Variants in ERLEC1 observed in about 807,000 individuals in gnomAD.
ERLEC1 encodes the protein ER lectin.
ERLEC1 carries 47 observed loss-of-function variants against 68.0 expected under a neutral mutation model. That is an observed-to-expected ratio of 0.69 (90% CI 0.55 to 0.88). ERLEC1 has a LOEUF of 0.88. ERLEC1 is among the 40% of genes least tolerant of loss of function. The pLI, the probability that ERLEC1 is intolerant of heterozygous loss-of-function variation, is 0.00. For synonymous variants in ERLEC1, 225 were observed against 203.2 expected (o/e 1.11, Z -0.91); for missense variants, 567 against 583.8 (o/e 0.97, Z 0.30).
Position 53,801,399 on chromosome 2 carries a change from T to G in ERLEC1, c.528T>G (p.Ile176Met). Residue 176 changes from isoleucine (I) to methionine (M), a missense_variant and splice_region_variant, in exon 7 of 14, where the codon ATT becomes ATG. By Grantham distance (10) the Ile-to-Met change is conservative. Transcript: ENST00000185150. ...GTCTTATACTCTTTTTTTTTAAGAT[T>G]CCCACTAAAAATATCGAAGGTCAGA... is the stretch of plus-strand genomic sequence containing the variant. ...EAEEKEKSNE[I>M]PTKNIEGQMT... is the part of the protein sequence containing the mutation. 1.2e-6 allele frequency: 2 copies of G among 1,612,178 alleles called. No homozygotes were observed. The highest frequency in any genetic ancestry group is 1.7e-6 in the Non-Finnish European group (2 of 1,178,470).
rs1301491955 is a variant in ERLEC1, at chr2:53,794,321, G to A, written c.163-24G>A. On this transcript the variant is annotated intron_variant, in intron 1 of 13. Transcript: ENST00000185150. ...GATACAATTTCACGGAGAACATAATGTATGTTTTTTCTTCTATTTGCAGCC... is the reference window on the plus strand; with the variant it reads ...GATACAATTTCACGGAGAACATAATATATGTTTTTTCTTCTATTTGCAGCC... 4 of 1,049,240 alleles carry A rather than the reference G, an allele frequency of 3.8e-6. No individual in the cohort carries two copies. The South Asian group carries it at 4.6e-5, about 12-fold the overall frequency. 65.0% of individuals were successfully genotyped at this position (1,049,240 alleles called of 1,614,324 possible).
chr2:53,790,310 C>T (rs1237565598), intron 1 of ERLEC1, among the ~76,000 whole-genome samples: 1 of 152,076 alleles, frequency 6.6e-6, no homozygotes, highest in Non-Finnish European at 1.5e-5. Context: ...TTTGGCCAGG[C>T]TGGTCTCAAA....
chr2:53,813,113 C>T (rs201332610), intron 11 of ERLEC1, 40 bp downstream of exon 11: 1 of 1,580,720 alleles, frequency 6.3e-7, no homozygotes, highest in South Asian at 1.2e-5. Flanking sequence ...CTAATTACTA[C>T]AATTTCTAAA....
At chr2:53,807,928 G>C (rs1029755380) in intron 8 of ERLEC1, among the ~76,000 whole-genome samples, 2 of 152,028 alleles carry the variant, frequency 1.3e-5, no homozygotes, top group Non-Finnish European at 2.9e-5. Context: ...TGGAGGCTGA[G>C]GCAGGAGAAT....
intron 1 of ERLEC1, among the ~76,000 whole-genome samples, chr2:53,793,090 A>T (rs912656726): frequency 9.9e-5 from 15 of 152,218 alleles, no homozygotes; most frequent in African/African-American, 3.4e-4. Flanking sequence ...GGAATAGCCA[A>T]ATAGTACCAT....
rs1676986043 is a variant in ERLEC1 at position 53,817,888 on chromosome 2, T to A, written c.1381-10T>A. ...AGCAACTTTTTAATGGCTTTGTTGTTCTTCTTTAGGTTGAATCTCCAGTGA... is the reference window on the plus strand; with the variant it reads ...AGCAACTTTTTAATGGCTTTGTTGTACTTCTTTAGGTTGAATCTCCAGTGA... On this transcript the variant is annotated splice_polypyrimidine_tract_variant and intron_variant, in intron 13 of 13. Coordinates refer to ENST00000185150, the MANE Select transcript of ERLEC1 (RefSeq NM_015701.5). 2.5e-6 allele frequency: 4 copies of A among 1,592,302 alleles called. No homozygotes were observed. The highest frequency in any genetic ancestry group is 3.4e-6 in the Non-Finnish European group (4 of 1,160,920).
intron 1 of ERLEC1, among the ~76,000 whole-genome samples, chr2:53,790,073 AT>A (rs1046792707): frequency 6.7e-5 from 10 of 149,822 alleles, no homozygotes; most frequent in African/African-American, 2.2e-4. Flanking sequence ...TGGCGCTGCC[AT>A]TTTTTTTAAT....
intron 13 of ERLEC1, 60 bp downstream of exon 13, chr2:53,814,995 C>G (rs4027276): frequency 4.9e-5 from 23 of 470,044 alleles, no homozygotes; most frequent in African/African-American, 4.3e-4. Context: ...ATTTTTTTTT[C>G]TTTTTTTTTT....
At chr2:53,810,499 T>C (rs1217688864) in intron 10 of ERLEC1, among the ~76,000 whole-genome samples, 2 of 152,226 alleles carry the variant, frequency 1.3e-5, no homozygotes, top group African/African-American at 2.4e-5. Flanking sequence ...ATACTTTGTT[T>C]AGTAAAGTAA....
chr2:53,807,824 T>C (rs1471919402), intron 8 of ERLEC1, among the ~76,000 whole-genome samples: 3 of 151,668 alleles, frequency 2.0e-5, no homozygotes, highest in Non-Finnish European at 4.4e-5. Context: ...GCCAACATGG[T>C]GAAAGCCCAT....
At chr2:53,809,035 A>C (rs968670190) in intron 9 of ERLEC1, among the ~76,000 whole-genome samples, 179 bp from the exon 10 acceptor site, 5 of 152,230 alleles carry the variant, frequency 3.3e-5, no homozygotes, top group African/African-American at 1.2e-4. Context: ...AATTTTACCA[A>C]GACAGTGCAT....
intron 5 of ERLEC1, 122 bp downstream of exon 5, chr2:53,797,917 C>A: frequency 4.4e-6 from 4 of 902,306 alleles, no homozygotes; most frequent in South Asian, 1.4e-5. Context: ...CTGAAATAGG[C>A]TGGGCGCGGT....
At chr2:53,793,011 A>AG (rs1199839605) in intron 1 of ERLEC1, among the ~76,000 whole-genome samples, 1 of 152,066 alleles carries the variant, frequency 6.6e-6, no homozygotes, top group Non-Finnish European at 1.5e-5. Context: ...GTCTCAAAAA[A>AG]AAAAAAAAAG....
chr2:53,802,768 C>G (rs914867738), intron 8 of ERLEC1, among the ~76,000 whole-genome samples: 3 of 152,094 alleles, frequency 2.0e-5, no homozygotes, highest in Non-Finnish European at 4.4e-5. Flanking sequence ...GTTTTGCTCT[C>G]TCACCCAGGC....
intron 10 of ERLEC1, among the ~76,000 whole-genome samples, chr2:53,811,934 T>A (rs1181070070): frequency 3.3e-5 from 5 of 152,230 alleles, no homozygotes; most frequent in African/African-American, 1.2e-4. Context: ...TTGTTTTGTT[T>A]GAGACAGAGT....
At position 53,787,326 on chromosome 2, in the gene ERLEC1, A is replaced by G; in HGVS notation, c.116A>G (p.Asp39Gly). 3 of 1,611,750 alleles carry G rather than the reference A, an allele frequency of 1.9e-6. No homozygotes were observed. The highest frequency in any genetic ancestry group is 2.5e-6 in the Non-Finnish European group (3 of 1,179,924). The change falls in exon 1 of 14, where the codon GAT becomes GGT. Residue 39 changes from aspartate to glycine, a missense_variant. Transcript: ENST00000185150. ...GGGRALPQLS[D>G]DIPFRVNWPG... is the part of the protein sequence containing the mutation. ...GGCCGAGCCCTTCCTCAACTCAGCG[A>G]TGACATCCCTTTCCGAGTCAACTGG...
intron 1 of ERLEC1, among the ~76,000 whole-genome samples, chr2:53,789,393 CAAAAAAA>C (rs1160757930): frequency 1.3e-5 from 1 of 79,748 alleles, no homozygotes; most frequent in African/African-American, 5.0e-5. Flanking sequence ...GACTCTGTCT[CAAAAAAA>C]AAAAAAAAAA....
At chr2:53,794,044 GGGAGGGGTGACAAAC>G (rs1278049281) in intron 1 of ERLEC1, among the ~76,000 whole-genome samples, 4 of 152,244 alleles carry the variant, frequency 2.6e-5, no homozygotes, top group Admixed American at 6.5e-5. Context: ...ACAGGAGAGA[GGGAGGGGTGACAAAC>G]TACCTATGAA....
intron 13 of ERLEC1, among the ~76,000 whole-genome samples, chr2:53,817,605 T>C (rs1676968135): frequency 6.6e-6 from 1 of 152,232 alleles, no homozygotes; most frequent in African/African-American, 2.4e-5. Flanking sequence ...TTTGCCATAA[T>C]GTTCTATCAT....
Sources: gnomAD v4.1 joint callset for allele counts (sites outside exome capture counted in the v4.1 genomes callset) on GRCh38, gnomAD v4.1.1 for gene constraint, MANE v1.5 for transcripts, NCBI Gene and HGNC (gene_info 2026-07-23, HGNC 2026-07-21) for gene names.